The following CKLF variants were observed in gnomAD, a reference collection of about 807,000 sequenced individuals.
CKLF encodes chemokine-like factor.
Under a neutral mutation model 12.9 loss-of-function variants are expected in CKLF, and 16 were observed. That is an observed-to-expected ratio of 1.24 (90% CI 0.84 to 1.88). The LOEUF (loss-of-function observed/expected upper bound fraction) is 1.88. CKLF is among the 40% of genes most tolerant of loss of function. The pLI is 0.00. For synonymous variants in CKLF, 61 were observed against 69.0 expected, an observed-to-expected ratio of 0.88 and a Z score of 0.57; for missense variants, 172 against 188.5, an observed-to-expected ratio of 0.91 and a Z score of 0.51.
Position 66,563,191 on chromosome 16 carries a change from A to T in CKLF, c.307A>T (p.Thr103Ser). ...ATCTGTGTTGGCACTGATACCAGAA[A>T]CCACAACATTGACAGTTGGTGGAGG... ...IVSVLALIPE[T>S]TTLTVGGGVF... Residue 103 changes from threonine (T) to serine (S), a missense_variant, in exon 3 of 4, where the codon ACC becomes TCC. Coordinates refer to ENST00000264001, the MANE Select transcript of CKLF (RefSeq NM_016951.4). 6.2e-7 allele frequency: 1 copy of T among 1,614,054 alleles called. No homozygotes were observed. Among genetic ancestry groups the T allele is most frequent in the Non-Finnish European group, 8.5e-7 (1 of 1,180,010 alleles).
chr16:66,556,883 G>A (rs933878423), intron 1 of CKLF, among the ~76,000 whole-genome samples: 3 of 152,136 alleles, frequency 2.0e-5, no homozygotes, highest in Non-Finnish European at 4.4e-5. Context: ...GTCTAGCCAG[G>A]GAAGACTCTT....
At chr16:66,560,798 TACACAC>T (rs58084691) in intron 2 of CKLF, among the ~76,000 whole-genome samples, 4,003 of 143,720 alleles carry the variant, frequency 0.028, 95 homozygotes, top group African/African-American at 0.063. Context: ...AAGATAAGTA[TACACAC>T]ACACACACAC....
intron 3 of CKLF, 141 bp from the exon 4 acceptor site, chr16:66,565,745 A>T: frequency 1.4e-6 from 1 of 728,086 alleles, no homozygotes; most frequent in South Asian, 1.7e-5. Context: ...AAGTCTCTCC[A>T]TGTTAGTATT....
At chr16:66,559,770 A>C (rs139423212) in intron 2 of CKLF, among the ~76,000 whole-genome samples, 50 of 152,318 alleles carry the variant, frequency 3.3e-4, no homozygotes, top group African/African-American at 1.1e-3. Context: ...CTAAGGATCA[A>C]ACTTTACTGA....
intron 1 of CKLF, among the ~76,000 whole-genome samples, chr16:66,554,693 G>A (rs112695246): frequency 4.7e-4 from 71 of 152,314 alleles, no homozygotes; most frequent in African/African-American, 1.0e-3. Flanking sequence ...GAAAAGTTGC[G>A]TAATGAATAG....
intron 2 of CKLF, among the ~76,000 whole-genome samples, chr16:66,558,994 C>T (rs371670069): frequency 6.8e-4 from 104 of 152,282 alleles, no homozygotes; most frequent in African/African-American, 2.4e-3. Flanking sequence ...GTATGCAGCC[C>T]CTCAGCCTGG....
At position 66,556,593 on chromosome 16, in the gene CKLF, GA is replaced by G. The variant is rs369832464; in HGVS notation, c.79-1592del. On this transcript the variant is annotated intron_variant, in intron 1 of 3. Transcript: ENST00000264001. Reference sequence around the variant, plus strand: ...AAAAAGGTTACAGAGGATAGGGACTGAAAAAGTGGCCCTTCATTTCATAATC... The same window carrying G: ...AAAAAGGTTACAGAGGATAGGGACTGAAAAGTGGCCCTTCATTTCATAATC... 1.6e-4 allele frequency among the ~76,000 whole-genome samples: 24 copies of G among 152,282 alleles called. 1 individual carries two copies. Among genetic ancestry groups the G allele is most frequent in the Middle Eastern group, 6.8e-3 (2 of 294 alleles).
chr16:66,562,402 T>C (rs146825251), intron 2 of CKLF, among the ~76,000 whole-genome samples: 87 of 152,352 alleles, frequency 5.7e-4, no homozygotes, highest in African/African-American at 2.1e-3. Flanking sequence ...TAGACTACTC[T>C]GCATTTTCTT....
chr16:66,560,785 A>C (rs1348704969), intron 2 of CKLF, among the ~76,000 whole-genome samples: 1 of 145,932 alleles, frequency 6.9e-6, no homozygotes, highest in Admixed American at 6.8e-5. Flanking sequence ...ACATTTAAAC[A>C]GAAAGATAAG....
chr16:66,563,159 T>C lies in CKLF; in HGVS notation c.275T>C (p.Leu92Pro). 6.2e-7 allele frequency: 1 copy of C among 1,614,226 alleles called. No homozygotes were observed. Among genetic ancestry groups the C allele is most frequent in the Non-Finnish European group, 8.5e-7 (1 of 1,180,052 alleles). ...INSLVTTVFM[L>P]IVSVLALIPE... ...TCACTGGTAACAACAGTATTCATGC[T>C]CATCGTATCTGTGTTGGCACTGATA... The change falls in exon 3 of 4, where the codon CTC (leucine) becomes CCC (proline). Residue 92 changes from leucine (L) to proline (P), a missense_variant. Coordinates refer to ENST00000264001, the MANE Select transcript of CKLF (RefSeq NM_016951.4).
chr16:66,561,380 T>G (rs1045814140), intron 2 of CKLF, among the ~76,000 whole-genome samples: 11 of 152,202 alleles, frequency 7.2e-5, no homozygotes, highest in Admixed American at 1.3e-4. Flanking sequence ...TAATTAAGTT[T>G]ACATTCTACT....
intron 2 of CKLF, among the ~76,000 whole-genome samples, chr16:66,560,798 TACACACACACACAC>T (rs58084691): frequency 2.3e-4 from 33 of 143,760 alleles, no homozygotes; most frequent in South Asian, 4.6e-4. Context: ...AAGATAAGTA[TACACACACACACAC>T]ACACACACAC....
At chr16:66,554,303 C>T (rs575206921) in intron 1 of CKLF, among the ~76,000 whole-genome samples, 11 of 152,242 alleles carry the variant, frequency 7.2e-5, no homozygotes, top group Middle Eastern at 3.4e-3. Flanking sequence ...AGAAGCGAGG[C>T]GTCTAACCAA....
intron 1 of CKLF, among the ~76,000 whole-genome samples, chr16:66,555,085 A>T (rs1597124197): frequency 6.6e-6 from 1 of 152,216 alleles, no homozygotes; most frequent in East Asian, 1.9e-4. Context: ...AATACAAAAA[A>T]AATTAGCCAG....
intron 1 of CKLF, among the ~76,000 whole-genome samples, chr16:66,555,672 C>T (rs1257536308): frequency 6.6e-6 from 1 of 152,160 alleles, no homozygotes; most frequent in Non-Finnish European, 1.5e-5. Flanking sequence ...ATCTTGAAAA[C>T]ATGGTGAGAA....
At chr16:66,559,416 C>T (rs1057373675) in intron 2 of CKLF, among the ~76,000 whole-genome samples, 1 of 152,196 alleles carries the variant, frequency 6.6e-6, no homozygotes, top group Non-Finnish European at 1.5e-5. Flanking sequence ...CACTTCAGAG[C>T]TGGACTTCGT....
rs79692978 is a variant in CKLF at position 66,554,619 on chromosome 16, G to A, written c.78+1826G>A. Among the ~76,000 whole-genome samples, 960 of 152,350 alleles carry A rather than the reference G, an allele frequency of 6.3e-3. 12 individuals carry two copies. Among genetic ancestry groups the A allele is most frequent in the African/African-American group, 0.022 (915 of 41,580 alleles). ...ATTTTAGTATTCTAGAAGGTGGTACGTGCAGTGGAACGAGAAAAGTAAAAG... is the reference window on the plus strand; with the variant it reads ...ATTTTAGTATTCTAGAAGGTGGTACATGCAGTGGAACGAGAAAAGTAAAAG... On this transcript the variant is annotated intron_variant, in intron 1 of 3. Transcript: ENST00000264001.
intron 1 of CKLF, chr16:66,553,283 C>T (rs1428450334): frequency 6.6e-6 from 1 of 152,392 alleles, no homozygotes. Context: ...AGTTATACCT[C>T]TCAGAAGCCC....
At chr16:66,566,073 TTTTCTGCA>T, downstream of CKLF, 1 of 1,611,488 alleles carries the variant, frequency 6.2e-7, no homozygotes, top group Non-Finnish European at 8.5e-7. The surrounding 1 kb of genome is among the most constrained non-coding windows in gnomAD (Gnocchi z 4.9). Flanking sequence ...CTTCCACATA[TTTTCTGCA>T]GTTATTTTAA....
Sources: allele counts gnomAD v4.1 joint callset (sites outside exome capture counted in the v4.1 genomes callset), GRCh38; gene constraint gnomAD v4.1.1; non-coding constraint Gnocchi (gnomAD v3.1); transcripts MANE v1.5; gene names NCBI Gene and HGNC (gene_info 2026-07-23, HGNC 2026-07-21).